GFRAL: variants seen among roughly 807,000 people sequenced by gnomAD.
GFRAL encodes GDNF family receptor alpha like, also known as GDNF family receptor alpha-like.
Under a neutral mutation model 45.4 loss-of-function variants are expected in GFRAL, and 36 were observed. The observed-to-expected ratio is 0.79, with a 90% CI of 0.61 to 1.05. The LOEUF is 1.05. GFRAL is among the 50% of genes least tolerant of loss of function. The probability of loss-of-function intolerance (pLI) is 0.00; values close to 1 mark genes in which losing one functional copy is unlikely to be tolerated. For synonymous variants in GFRAL, 166 were observed against 154.1 expected, an observed-to-expected ratio of 1.08 and a Z score of -0.57; for missense variants, 507 against 467.5, an observed-to-expected ratio of 1.08 and a Z score of -0.78.
intron 6 of GFRAL, among the ~76,000 whole-genome samples, chr6:55,384,231 C>A (rs535436595): frequency 6.6e-6 from 1 of 151,804 alleles, no homozygotes; most frequent in Non-Finnish European, 1.5e-5. Context: ...TGTAACAAAC[C>A]TGCATGTTCT....
intron 3 of GFRAL, among the ~76,000 whole-genome samples, chr6:55,348,555 C>T (rs1768074998): frequency 6.6e-6 from 1 of 152,024 alleles, no homozygotes; most frequent in Non-Finnish European, 1.5e-5. Context: ...CTTTTCCTGG[C>T]TAGGACTCTT....
At chr6:55,378,261 T>C (rs971250802) in intron 6 of GFRAL, among the ~76,000 whole-genome samples, 1 of 152,084 alleles carries the variant, frequency 6.6e-6, no homozygotes, top group African/African-American at 2.4e-5. Flanking sequence ...TGAAGAATTT[T>C]GATGGTGGGG....
intron 6 of GFRAL, among the ~76,000 whole-genome samples, chr6:55,385,421 T>C (rs188302316): frequency 6.6e-6 from 1 of 152,108 alleles, no homozygotes; most frequent in South Asian, 2.1e-4. Flanking sequence ...CCTAATTGAC[T>C]GCTATGTGTC....
intron 6 of GFRAL, among the ~76,000 whole-genome samples, chr6:55,369,173 G>T (rs1186544351): frequency 6.6e-6 from 1 of 151,994 alleles, no homozygotes; most frequent in East Asian, 1.9e-4. Context: ...CGTCGGAAAA[G>T]CGCAGTATTC....
intron 6 of GFRAL, among the ~76,000 whole-genome samples, chr6:55,386,440 A>T (rs76776810): frequency 0.064 from 9,770 of 152,162 alleles, 511 homozygotes; most frequent in African/African-American, 0.14. Context: ...CTATTGTAAA[A>T]GTGTGTGAGT....
rs578084617 is a variant in GFRAL at position 55,333,874 on chromosome 6, G to A, written c.246G>A (p.Glu82=). ...YLVESNFQFK[E]CLCTDDFYCT... is the part of the protein sequence containing the mutation. The stretch of plus-strand genomic sequence containing the variant: ...TGGAAAGCAATTTCCAATTTAAAGA[G>A]TGTCTTTGCACTGATGACTTCTATT... The change falls in exon 3 of 9, where the codon GAG becomes GAA. Residue 82 remains glutamate, a synonymous_variant. Transcript: ENST00000340465. The A allele has an allele frequency of 1.9e-6, 3 of 1,610,930 alleles. No individual in the cohort carries two copies. The highest frequency in any genetic ancestry group is 1.1e-5 in the South Asian group (1 of 90,782).
intron 1 of GFRAL, among the ~76,000 whole-genome samples, chr6:55,331,371 T>C (rs939762582): frequency 1.2e-4 from 18 of 151,982 alleles, no homozygotes; most frequent in African/African-American, 4.3e-4. Context: ...AAATGGTCAA[T>C]GGTGAGATAA....
chr6:55,390,935 A>ACACACACACACAC (rs764218405), intron 6 of GFRAL, among the ~76,000 whole-genome samples: 1 of 81,074 alleles, frequency 1.2e-5, no homozygotes, highest in Non-Finnish European at 2.5e-5. Flanking sequence ...CACACACACA[A>ACACACACACACAC]GTAGTGGTCT....
chr6:55,344,079 A>T (rs1487333840), intron 3 of GFRAL, among the ~76,000 whole-genome samples: 1 of 152,170 alleles, frequency 6.6e-6, no homozygotes, highest in East Asian at 1.9e-4. Flanking sequence ...CCAGGACCAG[A>T]TGGATTCACA....
intron 3 of GFRAL, among the ~76,000 whole-genome samples, chr6:55,336,994 A>G (rs1581899371): frequency 6.6e-6 from 1 of 152,208 alleles, no homozygotes; most frequent in Admixed American, 6.5e-5. Context: ...TCAAACATTT[A>G]TCTTTTCCTT....
At position 55,350,028 on chromosome 6, in the gene GFRAL, A is replaced by G; in HGVS notation, c.317-64A>G. On this transcript the variant is annotated intron_variant, in intron 3 of 8. Coordinates refer to ENST00000340465, the MANE Select transcript of GFRAL (RefSeq NM_207410.2). ...CTTTACTCATTTATAAATGTGGCCCACGTTTTCCTAGGAAATTCAGAAAAT... is the reference window on the plus strand; with the variant it reads ...CTTTACTCATTTATAAATGTGGCCCGCGTTTTCCTAGGAAATTCAGAAAAT... 3 of 960,482 alleles carry G rather than the reference A, an allele frequency of 3.1e-6. No individual in the cohort carries two copies. The Admixed American group carries it at 5.2e-5, about 17-fold the overall frequency. The allele number at this position is 960,482 out of a possible 1,614,324, so 59.5% of individuals were successfully genotyped here. A position where few individuals can be genotyped will look rare whatever the true frequency, so the allele number is the denominator to read the frequency against.
At chr6:55,327,808 A>G (rs1249469790) in intron 1 of GFRAL, among the ~76,000 whole-genome samples, 1 of 152,020 alleles carries the variant, frequency 6.6e-6, no homozygotes, top group East Asian at 1.9e-4. Context: ...TTAATCTCTC[A>G]GCTTGTTTCT....
intron 6 of GFRAL, among the ~76,000 whole-genome samples, chr6:55,395,115 C>T: frequency 6.9e-6 from 1 of 144,332 alleles, no homozygotes; most frequent in South Asian, 2.2e-4. Context: ...TGTTCTCTTT[C>T]TTTTATTTTT....
Position 55,351,413 on chromosome 6 carries a change from TA to T in GFRAL, c.532del (p.Ile178TyrfsTer35). 6.2e-7 allele frequency: 1 copy of T among 1,613,734 alleles called. No individual in the cohort carries two copies. The highest frequency in any genetic ancestry group is 8.5e-7 in the Non-Finnish European group (1 of 1,179,796). ...QAAIRFFYQN[I>X]PFNIAQMLAF... ...CAGCCATACGGTTCTTCTATCAAAA[TA>T]TACCTTTTAACATTGCCCAGATGTT... On this transcript the variant is annotated frameshift_variant, in exon 5 of 9. Coordinates refer to ENST00000340465, the MANE Select transcript of GFRAL (RefSeq NM_207410.2). LOFTEE classifies it high-confidence loss of function.
intron 3 of GFRAL, among the ~76,000 whole-genome samples, chr6:55,338,298 C>CA (rs1399138557): frequency 1.3e-5 from 2 of 152,058 alleles, no homozygotes; most frequent in African/African-American, 4.8e-5. Context: ...CCATGTTGTC[C>CA]AGGCTGGTCT....
intron 6 of GFRAL, among the ~76,000 whole-genome samples, chr6:55,397,633 G>A (rs1012876351): frequency 2.6e-5 from 4 of 151,870 alleles, no homozygotes; most frequent in Non-Finnish European, 5.9e-5. Flanking sequence ...CTTGTGTTGG[G>A]CTGCTGCTTT....
At chr6:55,373,128 G>A (rs1209759776) in intron 6 of GFRAL, among the ~76,000 whole-genome samples, 1 of 151,944 alleles carries the variant, frequency 6.6e-6, no homozygotes, top group Non-Finnish European at 1.5e-5. Flanking sequence ...AGGAAAAATG[G>A]GAGAACAATA....
intron 6 of GFRAL, among the ~76,000 whole-genome samples, chr6:55,390,033 C>T (rs1296645781): frequency 6.6e-6 from 1 of 152,222 alleles, no homozygotes; most frequent in Non-Finnish European, 1.5e-5. Context: ...TACCTCACTG[C>T]CTAAGGTTTC....
Position 55,331,778 on chromosome 6 carries a change from A to G in GFRAL, c.86A>G (p.Glu29Gly), listed in dbSNP as rs1235084891. The G allele has an allele frequency of 1.9e-6, 3 of 1,610,932 alleles. No individual in the cohort carries two copies. In the East Asian group the frequency reaches 6.7e-5, roughly 36 times the overall value. The change falls in exon 2 of 9, where the codon GAG (glutamate) becomes GGG (glycine). Residue 29 changes from glutamate (E) to glycine (G), a missense_variant. By Grantham distance (98) the Glu-to-Gly change is moderately conservative. Coordinates refer to ENST00000340465, the MANE Select transcript of GFRAL (RefSeq NM_207410.2). ...ACCAATAATTGCACATATTTAAGAG[A>G]GCAATGCTTACGTGATGCAAATGGA... ...SQTNNCTYLR[E>G]QCLRDANGCK...
Sources: allele counts gnomAD v4.1 joint callset (sites outside exome capture counted in the v4.1 genomes callset), GRCh38; gene constraint gnomAD v4.1.1; transcripts MANE v1.5; gene names NCBI Gene and HGNC (gene_info 2026-07-23, HGNC 2026-07-21).